Variants in CCDC39 observed in about 807,000 individuals in gnomAD.
CCDC39 encodes coiled-coil domain 39 molecular ruler complex subunit.
Under a neutral mutation model 121.0 loss-of-function variants are expected in CCDC39, and 113 were observed. The ratio of observed to expected loss-of-function variants is 0.93; its 90% CI spans 0.80 to 1.09. The LOEUF is 1.09. CCDC39 is among the 50% of genes least tolerant of loss of function. The pLI, the probability that CCDC39 is intolerant of heterozygous loss-of-function variation, is 0.00. For missense variants in CCDC39, 1,063 were observed against 1,074.7 expected, an observed-to-expected ratio of 0.99 and a Z score of 0.15; for synonymous variants, 349 against 352.2, an observed-to-expected ratio of 0.99 and a Z score of 0.10.
chr3:180,661,665 G>C (rs1328370558), intron 3 of CCDC39, among the ~76,000 whole-genome samples, 196 bp downstream of exon 3: 10 of 151,990 alleles, frequency 6.6e-5, no homozygotes, highest in Admixed American at 3.3e-4. Context: ...AATGAATAAT[G>C]GGAAAATGTA....
intron 15 of CCDC39, 42 bp downstream of exon 15, chr3:180,619,769 G>A (rs748174105): frequency 5.2e-6 from 6 of 1,147,138 alleles, no homozygotes; most frequent in Admixed American, 5.2e-5. Context: ...CTATACACTC[G>A]TCACTGTATA....
intron 1 of CCDC39, among the ~76,000 whole-genome samples, chr3:180,666,219 T>C (rs1055169707): frequency 1.3e-5 from 2 of 152,136 alleles, no homozygotes; most frequent in African/African-American, 2.4e-5. Context: ...AATCATGCAA[T>C]ATTTGGCCTT....
At chr3:180,651,601 G>A in intron 8 of CCDC39, 68 bp from the exon 9 acceptor site, 2 of 1,380,664 alleles carry the variant, frequency 1.4e-6, no homozygotes, top group Non-Finnish European at 1.9e-6. Context: ...ACAAATAATA[G>A]TTTATCCTAA....
chr3:180,669,548 C>T (rs1711975792), intron 1 of CCDC39, among the ~76,000 whole-genome samples: 1 of 152,030 alleles, frequency 6.6e-6, no homozygotes, highest in Non-Finnish European at 1.5e-5. Context: ...ATTTCTATAA[C>T]CCCAGAATTA....
chr3:180,654,993 A>T, intron 6 of CCDC39, 40 bp from the exon 7 acceptor site: 1 of 1,227,582 alleles, frequency 8.1e-7, no homozygotes, highest in East Asian at 2.8e-5. Context: ...ATATATGTTT[A>T]AACTGAGAAA....
intron 12 of CCDC39, among the ~76,000 whole-genome samples, chr3:180,642,842 A>C (rs1163510181): frequency 6.6e-6 from 1 of 152,194 alleles, no homozygotes; most frequent in East Asian, 1.9e-4. Context: ...TAAGCATAAA[A>C]ATTAAAAAGA....
At chr3:180,639,807 TAAAAC>T (rs1717913421) in intron 13 of CCDC39, among the ~76,000 whole-genome samples, 1 of 151,848 alleles carries the variant, frequency 6.6e-6, no homozygotes, top group Non-Finnish European at 1.5e-5. Flanking sequence ...AATTGAAAAA[TAAAAC>T]AAAGACAATA....
chr3:180,645,916 A>G (rs1218043503), intron 11 of CCDC39, among the ~76,000 whole-genome samples: 1 of 152,152 alleles, frequency 6.6e-6, no homozygotes, highest in East Asian at 1.9e-4. Context: ...CCCACACAGC[A>G]AAACAGACAC....
intron 11 of CCDC39, among the ~76,000 whole-genome samples, chr3:180,644,992 T>C (rs868036775): frequency 2.6e-5 from 4 of 152,254 alleles, no homozygotes; most frequent in Middle Eastern, 3.4e-3. Context: ...AGTAAGGATA[T>C]CAACAATCTG....
At position 180,669,178 on chromosome 3, in the gene CCDC39, T is replaced by C. The variant is rs950401959; in HGVS notation, c.91-5192A>G. Reference sequence around the variant, plus strand: ...TTAAATTCTCACACATGGAAAGATATGCTTCTGGATGTCTGGTGTTTGGCT... The same window carrying C: ...TTAAATTCTCACACATGGAAAGATACGCTTCTGGATGTCTGGTGTTTGGCT... On this transcript the variant is annotated intron_variant, in intron 1 of 19. Transcript: ENST00000476379. Among the ~76,000 whole-genome samples, 90 of 152,250 alleles carry C rather than the reference T, an allele frequency of 5.9e-4. 1 individual carries two copies. Among genetic ancestry groups the C allele is most frequent in the African/African-American group, 2.1e-3 (86 of 41,548 alleles).
chr3:180,661,741 A>C (rs1382187210), intron 3 of CCDC39, 120 bp downstream of exon 3: 4 of 825,936 alleles, frequency 4.8e-6, no homozygotes, highest in African/African-American at 1.7e-5. Flanking sequence ...AAAATACGTA[A>C]GTAAACACTA....
In CCDC39 at chr3:180,616,289, T is replaced by TA. The variant is rs200353947; in HGVS notation, c.2660dup (p.Ser888IlefsTer6). 0.01 allele frequency: 16,466 copies of TA among 1,613,166 alleles called. 108 individuals carry two copies. Among genetic ancestry groups the TA allele is most frequent in the Non-Finnish European group, 0.012 (14,023 of 1,179,326 alleles). ...TTTAACCCTCCGCTTACCTTGCTGA[T>TA]AGTGAAGTATGTGAAGGAGATCTAG... On this transcript the variant is annotated frameshift_variant, in exon 19 of 20. Transcript: ENST00000476379. LOFTEE classifies it low-confidence loss of function (END_TRUNC).
At chr3:180,647,646 T>A (rs188029503) in intron 10 of CCDC39, among the ~76,000 whole-genome samples, 17 of 152,246 alleles carry the variant, frequency 1.1e-4, no homozygotes, top group Admixed American at 3.3e-4. Flanking sequence ...AATTAATTAT[T>A]CTTAATATTA....
chr3:180,648,047 ATCTG>A, intron 10 of CCDC39, 114 bp downstream of exon 10: 1 of 761,178 alleles, frequency 1.3e-6, no homozygotes, highest in Non-Finnish European at 2.1e-6. Flanking sequence ...CACCTTCAGC[ATCTG>A]TCTGTCCTCC....
chr3:180,673,813 G>C (rs1712115154), intron 1 of CCDC39, among the ~76,000 whole-genome samples: 1 of 152,030 alleles, frequency 6.6e-6, no homozygotes, highest in South Asian at 2.1e-4. Context: ...CCAGAAGGAA[G>C]TGGGTGGGAA....
At chr3:180,655,941 G>A (rs532401259) in intron 6 of CCDC39, among the ~76,000 whole-genome samples, 1 of 152,214 alleles carries the variant, frequency 6.6e-6, no homozygotes, top group African/African-American at 2.4e-5. Flanking sequence ...TCCAAAATGA[G>A]GTCCTTCCAA....
rs775809403 is a variant in CCDC39, at chr3:180,631,585, ACT to A, written c.1880_1881del (p.Glu627ValfsTer7). 1.9e-6 allele frequency: 3 copies of A among 1,605,878 alleles called. No homozygotes were observed. Among genetic ancestry groups the A allele is most frequent in the Non-Finnish European group, 1.7e-6 (2 of 1,178,634 alleles). On this transcript the variant is annotated frameshift_variant, in exon 14 of 20. Transcript: ENST00000476379. LOFTEE classifies it high-confidence loss of function. ...VDQERENIST[E>X]FRERLSKIEK... ...TCAATTTTACTTAGCCGCTCGCGAA[ACT>A]CAGTGCTAATAAGAAAAAGAAACAC...
At position 180,615,002 on chromosome 3, in the gene CCDC39, AGAG is replaced by A; in HGVS notation, c.2742_2744del (p.Ser916del). The stretch of plus-strand genomic sequence containing the variant: ...GCCTAGAAGGGCTGCCTACTAGTGA[AGAG>A]GAGGCCGGGAATTTAAGCTCCAGTA... On this transcript the variant is annotated inframe_deletion, in exon 20 of 20. Transcript: ENST00000476379. The A allele has an allele frequency of 6.4e-7, 1 of 1,562,258 alleles. No homozygotes were observed. The highest frequency in any genetic ancestry group is 8.7e-7 in the Non-Finnish European group (1 of 1,151,286).
At position 180,616,525 on chromosome 3, in the gene CCDC39, G is replaced by A. The variant is rs1717249178; in HGVS notation, c.2577C>T (p.Tyr859=). 2 of 1,549,580 alleles carry A rather than the reference G, an allele frequency of 1.3e-6. No homozygotes were observed. The highest frequency in any genetic ancestry group is 4.1e-5 in the Admixed American group (2 of 49,312). ...GAAGGTGCTGTATTACCTGTTGAAA[G>A]TATGTTTGAAGGATAATACGGATCT... ...NTEIRIILQT[Y]FQQSGLELPT... The change falls in exon 18 of 20, where the codon TAC becomes TAT. Residue 859 remains tyrosine, a synonymous_variant. Transcript: ENST00000476379.
Sources: gnomAD v4.1 joint callset for allele counts (sites outside exome capture counted in the v4.1 genomes callset) on GRCh38, gnomAD v4.1.1 for gene constraint, MANE v1.5 for transcripts, NCBI Gene and HGNC (gene_info 2026-07-23, HGNC 2026-07-21) for gene names.